CFDP1: variants seen among roughly 807,000 people sequenced by gnomAD.
The protein encoded by CFDP1 is heterochromatin-stabilizing protein CFDP1.
CFDP1 carries 31 observed loss-of-function variants against 40.1 expected under a neutral mutation model. That is an observed-to-expected ratio of 0.77 (90% CI 0.58 to 1.04). The LOEUF (loss-of-function observed/expected upper bound fraction) is 1.04. CFDP1 is among the 50% of genes least tolerant of loss of function. The pLI, the probability that CFDP1 is intolerant of heterozygous loss-of-function variation, is 0.00. For missense variants in CFDP1, 423 were observed against 343.4 expected, an observed-to-expected ratio of 1.23 and a Z score of -1.83; for synonymous variants, 167 against 120.0, an observed-to-expected ratio of 1.39 and a Z score of -2.56.
chr16:75,423,280 C>CAAA (rs34137868), intron 1 of CFDP1, among the ~76,000 whole-genome samples: 16 of 109,300 alleles, frequency 1.5e-4, no homozygotes, highest in Non-Finnish European at 2.2e-4. Flanking sequence ...GACTCCGTCT[C>CAAA]AAAAAAAAAA....
At chr16:75,423,616 G>A (rs912860262) in intron 1 of CFDP1, among the ~76,000 whole-genome samples, 7 of 152,100 alleles carry the variant, frequency 4.6e-5, no homozygotes, top group Middle Eastern at 3.4e-3. Flanking sequence ...TTGGGTTCAC[G>A]CCATTCTCCT....
intron 1 of CFDP1, among the ~76,000 whole-genome samples, chr16:75,419,758 A>T (rs564878946): frequency 6.6e-6 from 1 of 152,202 alleles, no homozygotes; most frequent in Non-Finnish European, 1.5e-5. Flanking sequence ...TACAAATGCC[A>T]TGGCAACATC....
chr16:75,330,112 G>A (rs1349509345), intron 5 of CFDP1, among the ~76,000 whole-genome samples: 2 of 152,180 alleles, frequency 1.3e-5, no homozygotes, highest in South Asian at 2.1e-4. Flanking sequence ...CACTAGCAGC[G>A]CACTAAGGGT....
intron 4 of CFDP1, among the ~76,000 whole-genome samples, chr16:75,410,639 TG>T (rs2079151943): frequency 1.3e-5 from 2 of 151,404 alleles, no homozygotes; most frequent in Admixed American, 1.3e-4. Flanking sequence ...CCAGGCACGG[TG>T]GATCACACCT....
intron 4 of CFDP1, among the ~76,000 whole-genome samples, chr16:75,405,810 T>C (rs1213846546): frequency 7.0e-6 from 1 of 142,888 alleles, no homozygotes; most frequent in Admixed American, 7.1e-5. Context: ...TCCTAGCTGC[T>C]AAGGAGGCTG....
At chr16:75,425,041 C>T (rs1375834008) in intron 1 of CFDP1, among the ~76,000 whole-genome samples, 2 of 151,520 alleles carry the variant, frequency 1.3e-5, no homozygotes, top group Non-Finnish European at 2.9e-5. Context: ...TTTCCATATA[C>T]TAGTTACAAA....
chr16:75,306,932 T>C (rs1011926016), intron 5 of CFDP1, among the ~76,000 whole-genome samples: 2 of 151,834 alleles, frequency 1.3e-5, no homozygotes, highest in Admixed American at 6.6e-5. Context: ...TTTTCACCAT[T>C]TTACCAGGAA....
chr16:75,332,464 C>T (rs2078453089), intron 5 of CFDP1, among the ~76,000 whole-genome samples: 1 of 151,006 alleles, frequency 6.6e-6, no homozygotes, highest in Non-Finnish European at 1.5e-5. Context: ...GACTCCATTA[C>T]AAAAATAAAA....
At chr16:75,324,237 T>G (rs1433014100) in intron 5 of CFDP1, among the ~76,000 whole-genome samples, 1 of 151,884 alleles carries the variant, frequency 6.6e-6, no homozygotes, top group Non-Finnish European at 1.5e-5. Flanking sequence ...GGGGGAGGTG[T>G]CTGAGAGTTG....
chr16:75,373,370 C>A (rs1259191921), intron 5 of CFDP1, among the ~76,000 whole-genome samples: 1 of 151,958 alleles, frequency 6.6e-6, no homozygotes, highest in East Asian at 1.9e-4. Context: ...GGCCTTATAC[C>A]AAGTTTTATA....
chr16:75,305,252 G>A, intron 5 of CFDP1, 70 bp from the exon 6 acceptor site: 2 of 1,491,272 alleles, frequency 1.3e-6, no homozygotes, highest in East Asian at 2.3e-5. Flanking sequence ...TTTTTCTGAT[G>A]CAAATGGGAA....
chr16:75,311,667 A>G (rs1475320005), intron 5 of CFDP1, among the ~76,000 whole-genome samples: 1 of 152,216 alleles, frequency 6.6e-6, no homozygotes, highest in Non-Finnish European at 1.5e-5. Flanking sequence ...TAGCCTGCAT[A>G]ATCACTAAAA....
intron 5 of CFDP1, 147 bp from the exon 6 acceptor site, chr16:75,305,329 T>A (rs2078249674): frequency 2.7e-6 from 2 of 731,374 alleles, no homozygotes. Context: ...TCCTTCCTGG[T>A]GTGGAGAGCA....
intron 5 of CFDP1, among the ~76,000 whole-genome samples, chr16:75,332,289 A>G (rs2078451650): frequency 6.6e-6 from 1 of 151,986 alleles, no homozygotes; most frequent in Admixed American, 6.6e-5. Context: ...ATATGGTGAA[A>G]CCCCATCTCT....
intron 4 of CFDP1, among the ~76,000 whole-genome samples, chr16:75,408,245 T>A (rs8046696): frequency 4.0e-5 from 6 of 151,296 alleles, no homozygotes; most frequent in Non-Finnish European, 7.4e-5. Flanking sequence ...AAATGAAACT[T>A]TTTTAAAATG....
chr16:75,433,328 A>G lies in CFDP1; in HGVS notation c.25T>C (p.Phe9Leu), dbSNP rs371773560. The G allele has an allele frequency of 1.5e-5, 24 of 1,599,752 alleles. No individual in the cohort carries two copies. The highest frequency in any genetic ancestry group is 2.0e-5 in the Non-Finnish European group (24 of 1,173,882). Residue 9 changes from phenylalanine to leucine, a missense_variant, in exon 1 of 7, where the codon TTC becomes CTC. Physicochemically the swap from Phe to Leu is conservative, Grantham distance 22 (BLOSUM62 0). Coordinates refer to ENST00000283882, the MANE Select transcript of CFDP1 (RefSeq NM_006324.3). MEEFDSED[F>L]STSEEDEDYV... is the part of the protein sequence containing the mutation. ...TCCTCGTCCTCCTCCGACGTAGAGA[A>G]GTCTTCGGAGTCGAATTCCTCCATG... is the stretch of plus-strand genomic sequence containing the variant.
intron 5 of CFDP1, among the ~76,000 whole-genome samples, chr16:75,310,062 G>A (rs2078286091): frequency 6.6e-6 from 1 of 152,154 alleles, no homozygotes; most frequent in African/African-American, 2.4e-5. Flanking sequence ...ATGTTACGCT[G>A]AGGCATTCTG....
chr16:75,319,633 T>A (rs1481132414), intron 5 of CFDP1, among the ~76,000 whole-genome samples: 1 of 152,142 alleles, frequency 6.6e-6, no homozygotes, highest in Admixed American at 6.6e-5. Flanking sequence ...GCCACAATTC[T>A]ACTAATATCA....
intron 4 of CFDP1, among the ~76,000 whole-genome samples, chr16:75,400,435 GCTCATTAA>G (rs2079041355): frequency 6.6e-6 from 1 of 152,166 alleles, no homozygotes; most frequent in Non-Finnish European, 1.5e-5. Context: ...CCCTAGAAAG[GCTCATTAA>G]ATTGAGACAC....
Sources: gnomAD v4.1 joint callset for allele counts (sites outside exome capture counted in the v4.1 genomes callset) on GRCh38, gnomAD v4.1.1 for gene constraint, MANE v1.5 for transcripts, NCBI Gene and HGNC (gene_info 2026-07-23, HGNC 2026-07-21) for gene names.